The following CNTNAP4 variants were observed in gnomAD, a reference collection of about 807,000 sequenced individuals.
CNTNAP4 encodes the protein contactin associated protein family member 4.
In CNTNAP4, 98 loss-of-function variants were observed where a neutral mutation model predicts 148.4. That is an observed-to-expected ratio of 0.66 (90% CI 0.56 to 0.78). CNTNAP4 has a LOEUF of 0.78. Among genes scored for constraint, CNTNAP4 ranks in the 30% least tolerant of loss-of-function variants. CNTNAP4 has a pLI of 0.00. For synonymous variants in CNTNAP4, 730 were observed against 565.1 expected, an observed-to-expected ratio of 1.29 and a Z score of -4.14; for missense variants, 1,935 against 1,565.6, an observed-to-expected ratio of 1.24 and a Z score of -3.98.
chr16:76,451,625 G>A (rs1046884132), intron 7 of CNTNAP4, among the ~76,000 whole-genome samples: 7 of 151,698 alleles, frequency 4.6e-5, no homozygotes, highest in African/African-American at 1.7e-4. Context: ...GTGTGTGTGT[G>A]TGTGTGTGTA....
intron 2 of CNTNAP4, among the ~76,000 whole-genome samples, chr16:76,348,845 A>G (rs915113120): frequency 2.2e-4 from 14 of 62,984 alleles, no homozygotes; most frequent in Non-Finnish European, 3.4e-4. Context: ...GACTGTTAAC[A>G]TTAAAAGAAG....
intron 1 of CNTNAP4, among the ~76,000 whole-genome samples, chr16:76,314,010 T>C (rs1004525644): frequency 2.0e-5 from 3 of 152,190 alleles, no homozygotes; most frequent in African/African-American, 7.2e-5. Flanking sequence ...AAATTAAACA[T>C]GTATGGATTT....
At chr16:76,302,518 T>G (rs1191714623) in intron 1 of CNTNAP4, among the ~76,000 whole-genome samples, 1 of 152,142 alleles carries the variant, frequency 6.6e-6, no homozygotes, top group Non-Finnish European at 1.5e-5. Context: ...AAGATAAATT[T>G]CACCCATGCT....
In CNTNAP4 at chr16:76,436,807, A is replaced by G. The variant is rs926680944; in HGVS notation, c.538+9208A>G. On this transcript the variant is annotated intron_variant, in intron 4 of 23. Coordinates refer to ENST00000611870, the MANE Select transcript of CNTNAP4 (RefSeq NM_033401.5). The stretch of plus-strand genomic sequence containing the variant: ...CAGTGTTCTCCATACTATTAGAAGT[A>G]GAGTCCTTAGCATTTTTGGGTCTAA... 2.0e-5 allele frequency among the ~76,000 whole-genome samples: 3 copies of G among 152,154 alleles called. No individual in the cohort carries two copies. In the East Asian group the frequency reaches 5.8e-4, roughly 29 times the overall value.
chr16:76,280,156 T>C (rs910696201), intron 1 of CNTNAP4, among the ~76,000 whole-genome samples: 4 of 152,170 alleles, frequency 2.6e-5, no homozygotes, highest in Non-Finnish European at 4.4e-5. Flanking sequence ...GAAAGACTTT[T>C]CCCCTTTATT....
At chr16:76,533,879 C>A (rs868357672) in intron 17 of CNTNAP4, among the ~76,000 whole-genome samples, 3 of 152,094 alleles carry the variant, frequency 2.0e-5, no homozygotes, top group Non-Finnish European at 4.4e-5. Context: ...GCATCCTTCA[C>A]TGAGGAGAAA....
chr16:76,432,040 TCTA>T (rs1303922907), intron 4 of CNTNAP4, among the ~76,000 whole-genome samples: 1 of 152,220 alleles, frequency 6.6e-6, no homozygotes, highest in Non-Finnish European at 1.5e-5. Context: ...CATAAAGTAT[TCTA>T]CTTATTGTAC....
chr16:76,415,944 ACT>A (rs759961700), intron 3 of CNTNAP4, among the ~76,000 whole-genome samples: 2 of 98,152 alleles, frequency 2.0e-5, no homozygotes, highest in Non-Finnish European at 4.9e-5. Flanking sequence ...TTTTTTTTTA[ACT>A]CTGTCTTATT....
intron 2 of CNTNAP4, among the ~76,000 whole-genome samples, chr16:76,351,649 T>C (rs2011783181): frequency 6.6e-6 from 1 of 152,200 alleles, no homozygotes; most frequent in African/African-American, 2.4e-5. Flanking sequence ...ATTAATGATA[T>C]AGCTTAATTT....
intron 2 of CNTNAP4, among the ~76,000 whole-genome samples, chr16:76,334,330 C>T (rs985976026): frequency 6.6e-6 from 1 of 152,002 alleles, no homozygotes; most frequent in Non-Finnish European, 1.5e-5. Context: ...AACAAAAGCC[C>T]TTCCCAGTTT....
rs1325550878 is a variant in CNTNAP4, at chr16:76,372,204, A to G, written c.390+16693A>G. On this transcript the variant is annotated intron_variant, in intron 3 of 23. Coordinates refer to ENST00000611870, the MANE Select transcript of CNTNAP4 (RefSeq NM_033401.5). The stretch of plus-strand genomic sequence containing the variant: ...GCCCAGGCTTGAATGCAGTGGCGCA[A>G]TCTCGGTTCACTGCAAGCTCCGCCT... 3.4e-5 allele frequency among the ~76,000 whole-genome samples: 5 copies of G among 148,528 alleles called. No individual in the cohort carries two copies. The Admixed American group carries it at 3.4e-4, about 10-fold the overall frequency.
At chr16:76,468,207 C>A (rs1400216265) in intron 10 of CNTNAP4, among the ~76,000 whole-genome samples, 6 of 152,086 alleles carry the variant, frequency 3.9e-5, no homozygotes, top group Admixed American at 3.9e-4. Context: ...GGCGCAGTGG[C>A]TCATGCCTGT....
At chr16:76,318,287 A>G (rs11861029) in intron 2 of CNTNAP4, among the ~76,000 whole-genome samples, 14 of 152,300 alleles carry the variant, frequency 9.2e-5, no homozygotes, top group African/African-American at 2.9e-4. Context: ...TAATCTACCT[A>G]TTTATCTTGA....
chr16:76,494,424 T>C (rs890805824), intron 13 of CNTNAP4, among the ~76,000 whole-genome samples: 1 of 152,160 alleles, frequency 6.6e-6, no homozygotes, highest in African/African-American at 2.4e-5. Flanking sequence ...CTAACGTTTT[T>C]TAACAGCTAG....
chr16:76,412,449 A>G (rs2078832786), intron 3 of CNTNAP4, among the ~76,000 whole-genome samples: 2 of 151,426 alleles, frequency 1.3e-5, no homozygotes, highest in Non-Finnish European at 3.0e-5. Flanking sequence ...TGGAAATTAT[A>G]CCAATTTATA....
At chr16:76,501,654 A>G (rs2082648265) in intron 15 of CNTNAP4, among the ~76,000 whole-genome samples, 1 of 152,202 alleles carries the variant, frequency 6.6e-6, no homozygotes, top group African/African-American at 2.4e-5. Flanking sequence ...CCTACAATGC[A>G]TGAGACGGCT....
chr16:76,414,500 C>G (rs1354626558), intron 3 of CNTNAP4, among the ~76,000 whole-genome samples: 1 of 151,062 alleles, frequency 6.6e-6, no homozygotes, highest in Non-Finnish European at 1.5e-5. Context: ...CTTGCAAGTT[C>G]CTTGTCAGAT....
chr16:76,299,127 C>G (rs901402454), intron 1 of CNTNAP4, among the ~76,000 whole-genome samples: 2 of 152,134 alleles, frequency 1.3e-5, no homozygotes, highest in Non-Finnish European at 2.9e-5. Flanking sequence ...GCAATGGCAA[C>G]AAAAGCCAGA....
chr16:76,475,195 C>G (rs1395999197), intron 10 of CNTNAP4, among the ~76,000 whole-genome samples: 1 of 152,046 alleles, frequency 6.6e-6, no homozygotes, highest in African/African-American at 2.4e-5. Context: ...AAATGAGACT[C>G]CAGTAGCCTC....
Sources: gnomAD v4.1 joint callset for allele counts (sites outside exome capture counted in the v4.1 genomes callset) on GRCh38, gnomAD v4.1.1 for gene constraint, MANE v1.5 for transcripts, NCBI Gene and HGNC (gene_info 2026-07-23, HGNC 2026-07-21) for gene names.